Variants in PPP2R3A observed in about 807,000 individuals in gnomAD.
PPP2R3A encodes the protein protein phosphatase 2 regulatory subunit B''alpha, also known as serine/threonine-protein phosphatase 2A regulatory subunit B'' subunit alpha.
In PPP2R3A, 80 loss-of-function variants were observed where a neutral mutation model predicts 106.9. The observed-to-expected ratio is 0.75, with a 90% CI of 0.62 to 0.90. PPP2R3A has a LOEUF of 0.90. Ranked by LOEUF, PPP2R3A falls within the 40% of genes least tolerant of loss-of-function variation. The pLI, the probability that PPP2R3A is intolerant of heterozygous loss-of-function variation, is 0.00. For synonymous variants in PPP2R3A, 483 were observed against 468.3 expected (o/e 1.03, Z -0.41); for missense variants, 1,386 against 1,350.4 (o/e 1.03, Z -0.41).
chr3:136,119,649 T>C (rs907834891), intron 13 of PPP2R3A, among the ~76,000 whole-genome samples: 1 of 151,994 alleles, frequency 6.6e-6, no homozygotes, highest in Non-Finnish European at 1.5e-5. Context: ...CAAATCAAAA[T>C]CACAATGAGA....
chr3:136,079,171 T>C (rs1936698201), intron 7 of PPP2R3A: 1 of 455,100 alleles, frequency 2.2e-6, no homozygotes, highest in Non-Finnish European at 4.4e-6. Flanking sequence ...CTTGGCAAAA[T>C]TAGCAGTCCA....
chr3:136,039,131 C>T (rs1435294936), intron 3 of PPP2R3A, among the ~76,000 whole-genome samples: 1 of 152,136 alleles, frequency 6.6e-6, no homozygotes. Context: ...CTGTGGGGGT[C>T]CCCTGTGCAC....
chr3:136,137,924 A>C (rs1279968351), intron 13 of PPP2R3A, among the ~76,000 whole-genome samples: 1 of 152,134 alleles, frequency 6.6e-6, no homozygotes, highest in Non-Finnish European at 1.5e-5. Context: ...AACCCATTAG[A>C]GCAATCGTCC....
chr3:136,009,599 C>T (rs974708380), intron 2 of PPP2R3A, among the ~76,000 whole-genome samples: 1 of 152,126 alleles, frequency 6.6e-6, no homozygotes, highest in Middle Eastern at 3.2e-3. Flanking sequence ...TGGTTCCCAA[C>T]TAATACTGTT....
chr3:136,010,436 T>C, intron 2 of PPP2R3A, among the ~76,000 whole-genome samples: 1 of 134,202 alleles, frequency 7.5e-6, no homozygotes, highest in African/African-American at 2.9e-5. Flanking sequence ...TTTTTTTTTT[T>C]TTTTTTTTGA....
chr3:136,002,431 C>G lies in PPP2R3A; in HGVS notation c.933C>G (p.Ile311Met). Residue 311 changes from isoleucine (I) to methionine (M), a missense_variant, in exon 2 of 14, where the codon ATC (isoleucine) becomes ATG (methionine). Ile to Met is a conservative substitution (Grantham distance 10). Transcript: ENST00000264977. ...NNEALDLTELISNMPSLQLTP... is the reference protein window; with the variant it reads ...NNEALDLTELMSNMPSLQLTP... ...AGGCTCTAGATTTAACAGAACTGAT[C>G]AGTAATATGCCTAGCTTACAACTGA... 1 of 1,613,844 alleles carries G rather than the reference C, an allele frequency of 6.2e-7. No homozygotes were observed. The highest frequency in any genetic ancestry group is 8.5e-7 in the Non-Finnish European group (1 of 1,179,780).
intron 5 of PPP2R3A, among the ~76,000 whole-genome samples, chr3:136,065,705 C>G (rs1936243628): frequency 6.6e-6 from 1 of 152,174 alleles, no homozygotes; most frequent in South Asian, 2.1e-4. Context: ...CAAGGAGGAT[C>G]TCGCTCTGTT....
chr3:136,040,269 A>T (rs1230471175), intron 3 of PPP2R3A, among the ~76,000 whole-genome samples: 1 of 152,150 alleles, frequency 6.6e-6, no homozygotes, highest in African/African-American at 2.4e-5. Context: ...GCCAAGTATA[A>T]TGGCTCACGC....
intron 1 of PPP2R3A, among the ~76,000 whole-genome samples, chr3:136,000,148 G>C (rs1933565409): frequency 6.6e-6 from 1 of 152,032 alleles, no homozygotes; most frequent in Non-Finnish European, 1.5e-5. Context: ...TCATAAAACA[G>C]CACCCTCCCA....
intron 1 of PPP2R3A, among the ~76,000 whole-genome samples, chr3:135,968,197 A>G (rs1159265626): frequency 6.6e-6 from 1 of 152,240 alleles, no homozygotes; most frequent in Non-Finnish European, 1.5e-5. Flanking sequence ...GAAATAGATT[A>G]GTAAAAACAA....
At chr3:136,140,359 G>A (rs1275153853) in intron 13 of PPP2R3A, among the ~76,000 whole-genome samples, 2 of 151,450 alleles carry the variant, frequency 1.3e-5, no homozygotes, top group East Asian at 1.9e-4. Context: ...GGGAGGCCAA[G>A]GCAGGAGGAT....
intron 2 of PPP2R3A, among the ~76,000 whole-genome samples, chr3:136,021,819 T>C (rs889063373): frequency 3.3e-5 from 5 of 152,160 alleles, no homozygotes; most frequent in Admixed American, 6.6e-5. Context: ...TTTTTTCTTG[T>C]CATTATTTCC....
intron 5 of PPP2R3A, among the ~76,000 whole-genome samples, chr3:136,063,372 C>T (rs977455169): frequency 1.3e-5 from 2 of 152,196 alleles, no homozygotes; most frequent in African/African-American, 4.8e-5. Context: ...GCAAGGACTT[C>T]ATGATTAAAA....
intron 4 of PPP2R3A, among the ~76,000 whole-genome samples, chr3:136,042,045 T>C (rs543888505): frequency 1.3e-5 from 2 of 152,310 alleles, no homozygotes; most frequent in Admixed American, 1.3e-4. Context: ...TACTCACCTA[T>C]TGTTATTATT....
intron 5 of PPP2R3A, chr3:136,055,262 G>A (rs908291575): frequency 1.2e-6 from 1 of 844,396 alleles, no homozygotes; most frequent in Non-Finnish European, 2.0e-6. Flanking sequence ...GAAACATGAA[G>A]TACAAATGGA....
intron 9 of PPP2R3A, among the ~76,000 whole-genome samples, chr3:136,089,678 G>T (rs1207989970): frequency 6.6e-6 from 1 of 150,682 alleles, no homozygotes; most frequent in East Asian, 2.0e-4. Flanking sequence ...CATTGAATCT[G>T]TAGATTGCTT....
chr3:135,980,648 G>A (rs1937529347), intron 1 of PPP2R3A, among the ~76,000 whole-genome samples: 1 of 151,778 alleles, frequency 6.6e-6, no homozygotes, highest in Non-Finnish European at 1.5e-5. Context: ...TTTCCATAAG[G>A]TGTATAGACT....
At chr3:136,129,966 C>G (rs948339027) in intron 13 of PPP2R3A, among the ~76,000 whole-genome samples, 2 of 152,108 alleles carry the variant, frequency 1.3e-5, no homozygotes, top group African/African-American at 2.4e-5. Flanking sequence ...ATTCAACAGC[C>G]CTTCATGCTA....
intron 1 of PPP2R3A, among the ~76,000 whole-genome samples, chr3:135,975,332 A>G (rs1937387175): frequency 1.3e-5 from 2 of 152,194 alleles, no homozygotes; most frequent in African/African-American, 4.8e-5. Flanking sequence ...TAGACACTTC[A>G]TCAGGGGCAG....
Sources: allele counts gnomAD v4.1 joint callset (sites outside exome capture counted in the v4.1 genomes callset), GRCh38; gene constraint gnomAD v4.1.1; transcripts MANE v1.5; gene names NCBI Gene and HGNC (gene_info 2026-07-23, HGNC 2026-07-21).